ATP6V1C1: variants seen among roughly 807,000 people sequenced by gnomAD.
ATP6V1C1 encodes the protein ATPase H+ transporting V1 subunit C1.
A neutral mutation model predicts 53.9 loss-of-function variants in ATP6V1C1; 45 were observed. That is an observed-to-expected ratio of 0.83 (90% CI 0.66 to 1.07). The LOEUF (loss-of-function observed/expected upper bound fraction) is 1.07, where lower values mean the gene tolerates loss of function less well. Among genes scored for constraint, ATP6V1C1 ranks in the 50% least tolerant of loss-of-function variants. ATP6V1C1 has a pLI of 0.00. For synonymous variants in ATP6V1C1, 153 were observed against 155.2 expected (o/e 0.99, Z 0.11); for missense variants, 315 against 440.3 (o/e 0.72, Z 2.55).
intron 1 of ATP6V1C1, among the ~76,000 whole-genome samples, chr8:103,025,770 G>A (rs900434804): frequency 2.0e-5 from 3 of 152,226 alleles, no homozygotes; most frequent in African/African-American, 7.2e-5. Context: ...GTAGATGCAA[G>A]TGCTTATCAC....
At chr8:103,065,114 G>A (rs1817465138) in intron 11 of ATP6V1C1, among the ~76,000 whole-genome samples, 1 of 152,024 alleles carries the variant, frequency 6.6e-6, no homozygotes, top group African/African-American at 2.4e-5. Flanking sequence ...GATCCTTCAG[G>A]TGTTTTATAT....
chr8:103,044,689 T>C (rs1817063843), intron 3 of ATP6V1C1, among the ~76,000 whole-genome samples: 2 of 152,250 alleles, frequency 1.3e-5, no homozygotes, highest in South Asian at 2.1e-4. Context: ...TTTTTTTTTT[T>C]TTCAAGATTG....
intron 11 of ATP6V1C1, 78 bp downstream of exon 11, chr8:103,064,889 G>C: frequency 8.0e-7 from 1 of 1,250,476 alleles, no homozygotes. Context: ...TTATAACACA[G>C]TCCAGCAATA....
At chr8:103,039,471 C>T (rs977967188) in intron 1 of ATP6V1C1, among the ~76,000 whole-genome samples, 1 of 152,146 alleles carries the variant, frequency 6.6e-6, no homozygotes, top group Non-Finnish European at 1.5e-5. Context: ...ACTCTTTTCA[C>T]ATTAATTATC....
At chr8:103,052,879 C>T (rs1817224688) in intron 6 of ATP6V1C1, 57 bp downstream of exon 6, 1 of 1,046,674 alleles carries the variant, frequency 9.6e-7, no homozygotes, top group Non-Finnish European at 1.4e-6. Flanking sequence ...CTAGCATGCA[C>T]CGAAGGAGAT....
rs1817573584 is a variant in ATP6V1C1, at chr8:103,070,776, G to C, written c.*2029G>C. On this transcript the variant is annotated 3_prime_UTR_variant, in exon 13 of 13. Transcript: ENST00000518738. Reference sequence around the variant, plus strand: ...GATTTCCACCAGAGAAATTATAGCAGAGTGGCTGAGCATGTGCTCTGAGGC... The same window carrying C: ...GATTTCCACCAGAGAAATTATAGCACAGTGGCTGAGCATGTGCTCTGAGGC... 6.6e-6 allele frequency: 1 copy of C among 152,262 alleles called. No homozygotes were observed. Among genetic ancestry groups the C allele is most frequent in the African/African-American group, 2.4e-5 (1 of 41,458 alleles). The allele number at this position is 152,262 out of a possible 1,614,324, so 9.4% of individuals were successfully genotyped here.
chr8:103,042,452 AT>A (rs1563604054), intron 3 of ATP6V1C1, 45 bp downstream of exon 3: 1 of 1,569,704 alleles, frequency 6.4e-7, no homozygotes, highest in Non-Finnish European at 8.8e-7. Flanking sequence ...GGGAGACACT[AT>A]TATCAGGCTT....
intron 1 of ATP6V1C1, among the ~76,000 whole-genome samples, chr8:103,036,256 G>C (rs1816897926): frequency 6.6e-6 from 1 of 152,202 alleles, no homozygotes; most frequent in Admixed American, 6.5e-5. Flanking sequence ...GTGTATTACT[G>C]CCTATCTCAT....
intron 1 of ATP6V1C1, among the ~76,000 whole-genome samples, chr8:103,031,353 A>T (rs1044296536): frequency 6.6e-6 from 1 of 152,288 alleles, no homozygotes; most frequent in Non-Finnish European, 1.5e-5. Context: ...ATTTATAAAG[A>T]AAAGAGGTTT....
At chr8:103,030,534 C>T (rs181938075) in intron 1 of ATP6V1C1, among the ~76,000 whole-genome samples, 38 of 152,302 alleles carry the variant, frequency 2.5e-4, no homozygotes, top group Admixed American at 1.5e-3. Context: ...TTCCAGACAT[C>T]GGACAATAGG....
intron 1 of ATP6V1C1, among the ~76,000 whole-genome samples, chr8:103,037,863 T>C (rs1816925212): frequency 6.6e-6 from 1 of 152,206 alleles, no homozygotes; most frequent in Non-Finnish European, 1.5e-5. Flanking sequence ...CTCCTATGCA[T>C]ATTTTAGTAT....
intron 3 of ATP6V1C1, among the ~76,000 whole-genome samples, chr8:103,042,986 T>C (rs1817027992): frequency 6.6e-6 from 1 of 152,268 alleles, no homozygotes; most frequent in Non-Finnish European, 1.5e-5. Context: ...ATCACATTAA[T>C]CCGTTCATCA....
At chr8:103,061,706 A>G (rs995014011) in intron 8 of ATP6V1C1, among the ~76,000 whole-genome samples, 1 of 152,198 alleles carries the variant, frequency 6.6e-6, no homozygotes, top group African/African-American at 2.4e-5. Context: ...TATAACGATT[A>G]TATCTCAGTA....
In ATP6V1C1 at chr8:103,040,925, A is replaced by G. The variant is rs182163971; in HGVS notation, c.89A>G (p.Asn30Ser). 27 of 1,614,126 alleles carry G rather than the reference A, an allele frequency of 1.7e-5. No homozygotes were observed. Among genetic ancestry groups the G allele is most frequent in the East Asian group, 6.7e-5 (3 of 44,858 alleles). Residue 30 changes from asparagine to serine, a missense_variant, in exon 2 of 13, where the codon AAT becomes AGT. By Grantham distance (46) the Asn-to-Ser change is conservative. Transcript: ENST00000518738. ...TTGCATGCGGCAACTTCAAAGAACA[A>G]TAATCTTGCTGTCACTTCCAAGTTC... ...EKLHAATSKN[N>S]NLAVTSKFNI...
Position 103,066,350 on chromosome 8 carries a change from T to G in ATP6V1C1, c.956T>G (p.Met319Arg). Residue 319 changes from methionine (M) to arginine (R), a missense_variant, in exon 12 of 13, where the codon ATG becomes AGG. Coordinates refer to ENST00000518738, the MANE Select transcript of ATP6V1C1 (RefSeq NM_001695.5). ...RYGLPVNFQA[M>R]LLQPNKKTLK... is the part of the protein sequence containing the mutation. The stretch of plus-strand genomic sequence containing the variant: ...GGCTTGCCAGTGAACTTCCAAGCAA[T>G]GCTACTTCAGCCCAATAAGAAAACT... 1 of 1,613,216 alleles carries G rather than the reference T, an allele frequency of 6.2e-7. No homozygotes were observed. The highest frequency in any genetic ancestry group is 8.5e-7 in the Non-Finnish European group (1 of 1,179,772).
At chr8:103,062,733 A>T (rs1817423845) in intron 8 of ATP6V1C1, among the ~76,000 whole-genome samples, 1 of 152,212 alleles carries the variant, frequency 6.6e-6, no homozygotes, top group African/African-American at 2.4e-5. Flanking sequence ...TTTGTTGGTT[A>T]GTAAGAAATA....
Position 103,072,368 on chromosome 8 carries a change from G to T in ATP6V1C1, c.*3621G>T, listed in dbSNP as rs959064805. 1.3e-5 allele frequency: 2 copies of T among 152,178 alleles called. No individual in the cohort carries two copies. Among genetic ancestry groups the T allele is most frequent in the African/African-American group, 2.4e-5 (1 of 41,444 alleles). 9.4% of individuals were successfully genotyped at this position (152,178 alleles called of 1,614,324 possible). ...TGTCGAAGAAATCAAAGTAGCATAT[G>T]CACAAGGTTAAAAACCACATATACA... On this transcript the variant is annotated 3_prime_UTR_variant, in exon 13 of 13. Coordinates refer to ENST00000518738, the MANE Select transcript of ATP6V1C1 (RefSeq NM_001695.5).
chr8:103,059,467 G>A (rs116721237), intron 8 of ATP6V1C1, among the ~76,000 whole-genome samples: 41 of 152,002 alleles, frequency 2.7e-4, no homozygotes, highest in African/African-American at 8.7e-4. Context: ...GATCCAAACC[G>A]CAAGTGTGGT....
chr8:103,064,988 G>A (rs916144111), intron 11 of ATP6V1C1, among the ~76,000 whole-genome samples, 177 bp downstream of exon 11: 2 of 152,244 alleles, frequency 1.3e-5, no homozygotes, highest in Middle Eastern at 3.4e-3. Context: ...TATTAGTCTT[G>A]TTCTTTAGCA....
Sources: allele counts gnomAD v4.1 joint callset (sites outside exome capture counted in the v4.1 genomes callset), GRCh38; gene constraint gnomAD v4.1.1; transcripts MANE v1.5; gene names NCBI Gene and HGNC (gene_info 2026-07-23, HGNC 2026-07-21).